The following CSMD1 variants were observed in gnomAD, a reference collection of about 807,000 sequenced individuals.
CSMD1 encodes the protein CUB and Sushi multiple domains 1, also known as CUB and sushi domain-containing protein 1.
A neutral mutation model predicts 417.5 loss-of-function variants in CSMD1; 213 were observed. The observed-to-expected ratio is 0.51, with a 90% CI of 0.46 to 0.57. The LOEUF (loss-of-function observed/expected upper bound fraction) is 0.57. CSMD1 is among the 20% of genes least tolerant of loss of function. The pLI is 0.00. For missense variants in CSMD1, 6,923 were observed against 4,529.7 expected (o/e 1.53, Z -15.17); for synonymous variants, 2,862 against 1,736.8 (o/e 1.65, Z -16.11).
At chr8:4,688,974 G>C (rs1439414651) in intron 1 of CSMD1, among the ~76,000 whole-genome samples, 1 of 152,238 alleles carries the variant, frequency 6.6e-6, no homozygotes, top group African/African-American at 2.4e-5. Flanking sequence ...TCCAATTCTG[G>C]TATCAATTAC....
chr8:3,442,001 A>G (rs1181693241), intron 12 of CSMD1, among the ~76,000 whole-genome samples: 1 of 152,104 alleles, frequency 6.6e-6, no homozygotes, highest in Non-Finnish European at 1.5e-5. Context: ...GACAGTGTGT[A>G]GGCCTAAGCT....
intron 26 of CSMD1, among the ~76,000 whole-genome samples, chr8:3,276,624 G>A (rs1042494317): frequency 6.6e-6 from 1 of 152,112 alleles, no homozygotes; most frequent in Non-Finnish European, 1.5e-5. Flanking sequence ...TTCAAGATAA[G>A]TTTTGGGTGG....
intron 2 of CSMD1, among the ~76,000 whole-genome samples, chr8:4,457,716 G>T (rs1052216649): frequency 3.3e-5 from 5 of 152,018 alleles, no homozygotes; most frequent in Non-Finnish European, 7.4e-5. Context: ...TTCCCTTCCC[G>T]GTCCTTCATG....
intron 12 of CSMD1, among the ~76,000 whole-genome samples, chr8:3,427,428 G>T (rs984835166): frequency 6.6e-6 from 1 of 152,024 alleles, no homozygotes; most frequent in Non-Finnish European, 1.5e-5. Flanking sequence ...TTAACAATAT[G>T]TAATGATTCC....
chr8:4,940,121 G>C (rs1585371867), intron 1 of CSMD1, among the ~76,000 whole-genome samples: 2 of 152,108 alleles, frequency 1.3e-5, no homozygotes, highest in East Asian at 3.9e-4. Flanking sequence ...GGAGGTCTTG[G>C]CTCCCCCTGT....
chr8:3,579,768 T>C (rs769147254), intron 9 of CSMD1, among the ~76,000 whole-genome samples: 11 of 152,118 alleles, frequency 7.2e-5, no homozygotes, highest in African/African-American at 2.2e-4. Flanking sequence ...GCTCTAAGGA[T>C]TGAATAAAAG....
chr8:4,840,371 C>G (rs1489599212), intron 1 of CSMD1, among the ~76,000 whole-genome samples: 1 of 152,152 alleles, frequency 6.6e-6, no homozygotes, highest in Non-Finnish European at 1.5e-5. Flanking sequence ...ATGAAACTAG[C>G]CGATTACTTG....
At chr8:3,400,464 T>A (rs1811969648) in intron 15 of CSMD1, among the ~76,000 whole-genome samples, 1 of 152,098 alleles carries the variant, frequency 6.6e-6, no homozygotes, top group Non-Finnish European at 1.5e-5. Flanking sequence ...CATGTTTTGA[T>A]GCTAGAAAAA....
intron 1 of CSMD1, among the ~76,000 whole-genome samples, chr8:4,654,125 T>C (rs1273415455): frequency 6.6e-6 from 1 of 152,140 alleles, no homozygotes; most frequent in Non-Finnish European, 1.5e-5. Context: ...TTACACTCCA[T>C]GTATTTGCTG....
At chr8:3,481,536 A>G (rs1817750159) in intron 11 of CSMD1, among the ~76,000 whole-genome samples, 1 of 152,190 alleles carries the variant, frequency 6.6e-6, no homozygotes, top group Non-Finnish European at 1.5e-5. Flanking sequence ...CTCTCACTCT[A>G]ATCCCTCAAA....
chr8:4,846,977 T>C (rs768244656), intron 1 of CSMD1, among the ~76,000 whole-genome samples: 3 of 152,148 alleles, frequency 2.0e-5, no homozygotes, highest in African/African-American at 7.2e-5. Flanking sequence ...TTTTTCAAGA[T>C]CCCTTACATC....
At chr8:3,810,734 C>T (rs1447092311) in intron 5 of CSMD1, among the ~76,000 whole-genome samples, 1 of 152,092 alleles carries the variant, frequency 6.6e-6, no homozygotes, top group African/African-American at 2.4e-5. Flanking sequence ...TATGAAAAAG[C>T]CTTGGTTCAA....
chr8:4,975,302 G>T (rs1810486669), intron 1 of CSMD1, among the ~76,000 whole-genome samples: 1 of 152,218 alleles, frequency 6.6e-6, no homozygotes, highest in Admixed American at 6.5e-5. Context: ...ATCATTTGAA[G>T]AGAGACTGTA....
At chr8:3,505,004 G>A (rs1479748009) in intron 10 of CSMD1, among the ~76,000 whole-genome samples, 2 of 104,998 alleles carry the variant, frequency 1.9e-5, no homozygotes, top group Non-Finnish European at 3.7e-5. Flanking sequence ...AAACAGTGAT[G>A]GAGAAACAGT....
intron 26 of CSMD1, among the ~76,000 whole-genome samples, chr8:3,282,482 T>C (rs1395523973): frequency 6.6e-6 from 1 of 152,216 alleles, no homozygotes; most frequent in Non-Finnish European, 1.5e-5. Flanking sequence ...ATAAGGCCAA[T>C]GAATCACAAT....
At chr8:4,257,548 C>T (rs995142039) in intron 3 of CSMD1, among the ~76,000 whole-genome samples, 1 of 152,150 alleles carries the variant, frequency 6.6e-6, no homozygotes, top group African/African-American at 2.4e-5. Flanking sequence ...CTTTCAATTA[C>T]ATTTTTAAAA....
chr8:3,954,663 G>A (rs897104466), intron 5 of CSMD1, among the ~76,000 whole-genome samples: 19 of 152,180 alleles, frequency 1.2e-4, no homozygotes, highest in Non-Finnish European at 2.4e-4. Flanking sequence ...CACCTGGCCG[G>A]ATCCCAGGAC....
chr8:3,394,012 T>TAAATTA (rs1554536992), intron 17 of CSMD1, among the ~76,000 whole-genome samples: 325 of 31,450 alleles, frequency 0.01, 3 homozygotes, highest in East Asian at 0.013. Flanking sequence ...AAAAAATAAA[T>TAAATTA]TATATATATA....
chr8:3,100,630 A>C (rs1163390862), intron 46 of CSMD1, among the ~76,000 whole-genome samples: 6 of 152,162 alleles, frequency 3.9e-5, no homozygotes, highest in African/African-American at 1.4e-4. Flanking sequence ...CTCAGACATC[A>C]CCTGCGCCTC....
Sources: gnomAD v4.1 joint callset for allele counts (sites outside exome capture counted in the v4.1 genomes callset) on GRCh38, gnomAD v4.1.1 for gene constraint, MANE v1.5 for transcripts, NCBI Gene and HGNC (gene_info 2026-07-23, HGNC 2026-07-21) for gene names.